COG6: variants seen among roughly 807,000 people sequenced by gnomAD.
The protein encoded by COG6 is component of oligomeric golgi complex 6.
A neutral mutation model predicts 88.8 loss-of-function variants in COG6; 74 were observed. That is an observed-to-expected ratio of 0.83 (90% CI 0.69 to 1.01). The LOEUF (loss-of-function observed/expected upper bound fraction) is 1.01, where lower values mean the gene tolerates loss of function less well. COG6 is among the 50% of genes least tolerant of loss of function. The pLI is 0.00. For synonymous variants in COG6, 286 were observed against 278.7 expected (o/e 1.03, Z -0.26); for missense variants, 800 against 797.9 (o/e 1.00, Z -0.03).
rs553571851 is a variant in COG6 at position 39,751,222 on chromosome 13, C to T, written c.*129C>T. The stretch of plus-strand genomic sequence containing the variant: ...CTTTGTATCATAAGATTGTAAGTCC[C>T]GATAATTTTTTTTTTTTTGGTCTCA... On this transcript the variant is annotated 3_prime_UTR_variant, in exon 19 of 19. Coordinates refer to ENST00000455146, the MANE Select transcript of COG6 (RefSeq NM_020751.3). The T allele has an allele frequency of 9.9e-5, 150 of 1,514,914 alleles. No homozygotes were observed. In the East Asian group the frequency reaches 3.6e-3, roughly 36 times the overall value. The allele number at this position is 1,514,914 out of a possible 1,614,324, so 93.8% of individuals were successfully genotyped here.
At chr13:39,665,619 T>TG (rs889017852) in intron 4 of COG6, among the ~76,000 whole-genome samples, 4 of 152,186 alleles carry the variant, frequency 2.6e-5, no homozygotes, top group Non-Finnish European at 5.9e-5. Context: ...TGAATAAAGG[T>TG]GAGTACAGTC....
At chr13:39,778,343 C>T (rs1030291105) in intron 18 of COG6, among the ~76,000 whole-genome samples, 3 of 152,270 alleles carry the variant, frequency 2.0e-5, no homozygotes, top group African/African-American at 7.2e-5. Context: ...GGCAAAAGGC[C>T]TTGACCAGCA....
rs762180229 is a variant in COG6, at chr13:39,671,878, A to G, written c.429-5590A>G. On this transcript the variant is annotated intron_variant, in intron 4 of 18. Coordinates refer to ENST00000455146, the MANE Select transcript of COG6 (RefSeq NM_020751.3). ...ATTAGTTCCTTCTTTGTACTCCCAC[A>G]ACACATTATTCTTCTAGCACTTATT... is the stretch of plus-strand genomic sequence containing the variant. Among the ~76,000 whole-genome samples, 33 of 152,064 alleles carry G rather than the reference A, an allele frequency of 2.2e-4. 1 individual carries two copies. The highest frequency in any genetic ancestry group is 4.3e-4 in the Non-Finnish European group (29 of 67,858).
intron 3 of COG6, chr13:39,664,076 A>T (rs1016511307): frequency 1.9e-5 from 3 of 154,732 alleles, no homozygotes; most frequent in Admixed American, 1.3e-4. Flanking sequence ...CTGAAAACTG[A>T]GTTTGTAGAG....
intron 12 of COG6, among the ~76,000 whole-genome samples, chr13:39,695,738 C>G (rs887692614): frequency 2.6e-5 from 4 of 151,808 alleles, no homozygotes; most frequent in Admixed American, 6.6e-5. Context: ...AAGTCATAGT[C>G]TACAAAACTG....
chr13:39,701,855 T>C (rs952346199), intron 13 of COG6, among the ~76,000 whole-genome samples: 4 of 151,830 alleles, frequency 2.6e-5, no homozygotes, highest in African/African-American at 9.7e-5. Context: ...ATTAAAAAAT[T>C]TGAAACAGAG....
intron 7 of COG6, among the ~76,000 whole-genome samples, chr13:39,680,717 G>T (rs117297643): frequency 0.059 from 9,020 of 152,262 alleles, 380 homozygotes; most frequent in Non-Finnish European, 0.095. Flanking sequence ...TCTAGAGGCT[G>T]CCTGCATTCT....
At chr13:39,718,114 G>A (rs1878631501) in intron 13 of COG6, among the ~76,000 whole-genome samples, 2 of 152,052 alleles carry the variant, frequency 1.3e-5, no homozygotes, top group Non-Finnish European at 2.9e-5. Context: ...GAATGTTTCT[G>A]TTGAGGTGTT....
intron 4 of COG6, among the ~76,000 whole-genome samples, chr13:39,672,561 A>G (rs1875714738): frequency 6.6e-6 from 1 of 152,032 alleles, no homozygotes; most frequent in Non-Finnish European, 1.5e-5. Flanking sequence ...CACTTTTAAG[A>G]TTCATCCATG....
At chr13:39,719,950 G>A (rs1878761058) in intron 15 of COG6, 123 bp downstream of exon 15, 1 of 704,426 alleles carries the variant, frequency 1.4e-6, no homozygotes, top group African/African-American at 1.8e-5. Flanking sequence ...GATATCATCT[G>A]ATGAAAGGAC....
intron 18 of COG6, among the ~76,000 whole-genome samples, chr13:39,734,545 A>G (rs890423837): frequency 3.3e-5 from 5 of 152,166 alleles, no homozygotes; most frequent in South Asian, 2.1e-4. Flanking sequence ...AGAATGATCT[A>G]TGTGCTGCAG....
exon 19 of COG6, chr13:39,791,509 G>A (rs1336315527): frequency 1.3e-5 from 2 of 151,856 alleles, no homozygotes; most frequent in African/African-American, 4.8e-5. Flanking sequence ...TGTTTGCAGA[G>A]TGTTTGTAGT....
chr13:39,788,821 C>T (rs1415227130), exon 19 of COG6: 1 of 155,206 alleles, frequency 6.4e-6, no homozygotes, highest in Admixed American at 6.3e-5. Flanking sequence ...TTCTCCACCA[C>T]TCTTTTCTTC....
At chr13:39,657,348 A>C (rs1329408799) in intron 1 of COG6, among the ~76,000 whole-genome samples, 1 of 152,140 alleles carries the variant, frequency 6.6e-6, no homozygotes, top group Non-Finnish European at 1.5e-5. Context: ...CCTTCTTTTT[A>C]CCATGAGGAA....
At chr13:39,741,744 A>T (rs2138124905) in intron 18 of COG6, among the ~76,000 whole-genome samples, 1 of 152,228 alleles carries the variant, frequency 6.6e-6, no homozygotes, top group South Asian at 2.1e-4. Context: ...AATTCAGGAA[A>T]TGCAAAGAAC....
chr13:39,664,124 G>C (rs1875092556), intron 3 of COG6: 1 of 154,650 alleles, frequency 6.5e-6, no homozygotes, highest in Non-Finnish European at 1.5e-5. Context: ...GAGGTGTCTA[G>C]GTCTAAGGCA....
intron 17 of COG6, 56 bp downstream of exon 17, chr13:39,724,617 A>AT (rs1343233828): frequency 3.8e-6 from 5 of 1,305,008 alleles, no homozygotes; most frequent in Non-Finnish European, 5.5e-6. Flanking sequence ...GATAGTCTTC[A>AT]TTTTTTGCTG....
At chr13:39,790,539 C>T (rs557895947) in exon 19 of COG6, 4 of 152,126 alleles carry the variant, frequency 2.6e-5, no homozygotes, top group African/African-American at 9.6e-5. Context: ...ACTGTTCTTC[C>T]TCATTACTTT....
Position 39,752,000 on chromosome 13 carries a change from A to G in COG6, c.*907A>G. The G allele has an allele frequency of 4.0e-6, 5 of 1,251,842 alleles. No individual in the cohort carries two copies. Among genetic ancestry groups the G allele is most frequent in the Non-Finnish European group, 5.2e-6 (5 of 956,474 alleles). The allele number at this position is 1,251,842 out of a possible 1,614,324, so 77.5% of individuals were successfully genotyped here. A position where few individuals can be genotyped will look rare whatever the true frequency, so the allele number is the denominator to read the frequency against. On this transcript the variant is annotated 3_prime_UTR_variant, in exon 19 of 19. Coordinates refer to ENST00000455146, the MANE Select transcript of COG6 (RefSeq NM_020751.3). ...TCAAACATTGGAGAAAAAAACTGCC[A>G]GAGGAGGAGTTGCCAATTGGCAGTG...
Sources: gnomAD v4.1 joint callset for allele counts (sites outside exome capture counted in the v4.1 genomes callset) on GRCh38, gnomAD v4.1.1 for gene constraint, MANE v1.5 for transcripts, NCBI Gene and HGNC (gene_info 2026-07-23, HGNC 2026-07-21) for gene names.